GPR39: variants seen among roughly 807,000 people sequenced by gnomAD.
The protein encoded by GPR39 is zinc sensing receptor.
In GPR39, 23 loss-of-function variants were observed where a neutral mutation model predicts 18.4. The observed-to-expected ratio is 1.25, with a 90% CI of 0.90 to 1.77. The LOEUF (loss-of-function observed/expected upper bound fraction) is 1.77. Among genes scored for constraint, GPR39 ranks in the 40% most tolerant of loss-of-function variants. The pLI is 0.00. For synonymous variants in GPR39, 280 were observed against 257.9 expected (o/e 1.09, Z -0.82); for missense variants, 647 against 602.4 (o/e 1.07, Z -0.78).
At chr2:132,453,403 G>A (rs1045442427) in intron 1 of GPR39, among the ~76,000 whole-genome samples, 6 of 152,102 alleles carry the variant, frequency 3.9e-5, no homozygotes, top group African/African-American at 1.4e-4. Context: ...TGAGTAGATT[G>A]CAAAAATTTT....
chr2:132,596,566 C>T (rs1680953529), intron 1 of GPR39, among the ~76,000 whole-genome samples: 2 of 152,102 alleles, frequency 1.3e-5, no homozygotes, highest in African/African-American at 4.8e-5. Context: ...CCTTGTGTCT[C>T]TTTTTTTCAT....
intron 1 of GPR39, among the ~76,000 whole-genome samples, chr2:132,602,871 G>GA (rs56271366): frequency 0.63 from 87,352 of 137,820 alleles, 27,607 homozygotes; most frequent in South Asian, 0.68. Context: ...CTTAAAAAGA[G>GA]AAAAAAAAAA....
chr2:132,584,547 C>A (rs1680688840), intron 1 of GPR39, among the ~76,000 whole-genome samples: 1 of 152,010 alleles, frequency 6.6e-6, no homozygotes, highest in African/African-American at 2.4e-5. Context: ...AGATCTCTGC[C>A]CCTTTCTGTA....
chr2:132,623,863 G>A (rs2315536), intron 1 of GPR39, among the ~76,000 whole-genome samples: 39,387 of 152,024 alleles, frequency 0.26, 5,164 homozygotes, highest in East Asian at 0.33. Context: ...ATTTTGGAAT[G>A]ATGGGAAAGC....
Position 132,622,551 on chromosome 2 carries a change from A to C in GPR39, c.857-22550A>C, listed in dbSNP as rs1303812969. ...GGCTTTATATATTTCATGGAGTCAG[A>C]AATTGCAGGTAAAGCCATAAATCAA... On this transcript the variant is annotated intron_variant, in intron 1 of 1. Coordinates refer to ENST00000329321, the MANE Select transcript of GPR39 (RefSeq NM_001508.3). 2.0e-5 allele frequency among the ~76,000 whole-genome samples: 3 copies of C among 152,248 alleles called. No individual in the cohort carries two copies. The East Asian group carries it at 5.8e-4, about 29-fold the overall frequency.
chr2:132,440,316 C>T (rs1025897107), intron 1 of GPR39, among the ~76,000 whole-genome samples: 1 of 152,272 alleles, frequency 6.6e-6, no homozygotes, highest in East Asian at 1.9e-4. Context: ...CGCCTGCCCT[C>T]ACAATAACCT....
At chr2:132,428,785 A>G (rs1486463187) in intron 1 of GPR39, among the ~76,000 whole-genome samples, 4 of 152,260 alleles carry the variant, frequency 2.6e-5, no homozygotes, top group South Asian at 2.1e-4. Context: ...AGAACTGTCA[A>G]TCACTTGTTG....
intron 1 of GPR39, among the ~76,000 whole-genome samples, chr2:132,582,548 C>A (rs1257975009): frequency 6.6e-6 from 1 of 152,164 alleles, no homozygotes; most frequent in South Asian, 2.1e-4. Context: ...TTGGCCAGCC[C>A]ACTCTCCAGC....
intron 1 of GPR39, among the ~76,000 whole-genome samples, chr2:132,541,563 G>T (rs943198214): frequency 6.6e-6 from 1 of 152,302 alleles, no homozygotes; most frequent in Admixed American, 6.5e-5. Context: ...AAGGAAAATG[G>T]CACAGGTTGG....
chr2:132,469,212 A>G (rs1462509867), intron 1 of GPR39, among the ~76,000 whole-genome samples: 1 of 152,174 alleles, frequency 6.6e-6, no homozygotes, highest in East Asian at 1.9e-4. Context: ...AGGCATCAGA[A>G]AAGGGCTGCT....
intron 1 of GPR39, among the ~76,000 whole-genome samples, chr2:132,436,132 T>C (rs1207117533): frequency 7.0e-6 from 1 of 142,048 alleles, no homozygotes; most frequent in African/African-American, 2.8e-5. Context: ...ACCTTTGTCC[T>C]GTGAGAAGTT....
At chr2:132,441,176 G>A (rs1480928073) in intron 1 of GPR39, among the ~76,000 whole-genome samples, 1 of 151,316 alleles carries the variant, frequency 6.6e-6, no homozygotes, top group Non-Finnish European at 1.5e-5. Context: ...CCAAAGTGAG[G>A]GTAACATCTT....
intron 1 of GPR39, among the ~76,000 whole-genome samples, chr2:132,517,345 T>A (rs2104763850): frequency 6.6e-6 from 1 of 152,256 alleles, no homozygotes; most frequent in South Asian, 2.1e-4. Flanking sequence ...AGGAAAACTT[T>A]TCACTAGCTC....
intron 1 of GPR39, among the ~76,000 whole-genome samples, chr2:132,561,449 G>T (rs1436800329): frequency 2.0e-5 from 3 of 152,150 alleles, no homozygotes. Flanking sequence ...TCATTACTCA[G>T]ATTACTGCCT....
chr2:132,494,731 T>C (rs1681605767), intron 1 of GPR39, among the ~76,000 whole-genome samples: 1 of 151,942 alleles, frequency 6.6e-6, no homozygotes, highest in Non-Finnish European at 1.5e-5. Flanking sequence ...AACACACCAC[T>C]AACTTTGAGC....
At chr2:132,610,777 CAAAAAAAAA>C (rs34611787) in intron 1 of GPR39, among the ~76,000 whole-genome samples, 1 of 88,726 alleles carries the variant, frequency 1.1e-5, no homozygotes, top group Non-Finnish European at 2.2e-5. Context: ...ACTCTGTCTC[CAAAAAAAAA>C]AAAAAAAAAA....
At chr2:132,530,063 G>A (rs1204212199) in intron 1 of GPR39, among the ~76,000 whole-genome samples, 5 of 152,012 alleles carry the variant, frequency 3.3e-5, no homozygotes, top group Non-Finnish European at 7.4e-5. Context: ...CTGAGCTAAA[G>A]GAGGAAGTTC....
At chr2:132,567,653 A>C (rs1680374511) in intron 1 of GPR39, among the ~76,000 whole-genome samples, 1 of 152,210 alleles carries the variant, frequency 6.6e-6, no homozygotes, top group Admixed American at 6.5e-5. Flanking sequence ...AAACAGGCTA[A>C]GATACCAGCA....
At chr2:132,563,613 T>C (rs573328881) in intron 1 of GPR39, among the ~76,000 whole-genome samples, 2 of 152,336 alleles carry the variant, frequency 1.3e-5, no homozygotes, top group South Asian at 4.1e-4. Context: ...CACCTGGCTA[T>C]GATCAGTCAT....
Sources: gnomAD v4.1 joint callset for allele counts (sites outside exome capture counted in the v4.1 genomes callset) on GRCh38, gnomAD v4.1.1 for gene constraint, MANE v1.5 for transcripts, NCBI Gene and HGNC (gene_info 2026-07-23, HGNC 2026-07-21) for gene names.